GDA: variants seen among roughly 807,000 people sequenced by gnomAD.
The protein encoded by GDA is guanine deaminase, also known as cytoplasmic PSD-95 interactor.
In GDA, 18 loss-of-function variants were observed where a neutral mutation model predicts 59.6. The ratio of observed to expected loss-of-function variants is 0.30; its 90% CI spans 0.21 to 0.45. GDA has a LOEUF of 0.45. Among genes scored for constraint, GDA ranks in the 20% least tolerant of loss-of-function variants. GDA has a pLI of 1.00. For synonymous variants in GDA, 201 were observed against 201.1 expected (o/e 1.00, Z 0.00); for missense variants, 427 against 552.3 (o/e 0.77, Z 2.27).
chr9:72,129,500 C>T (rs1825954783), intron 1 of GDA, among the ~76,000 whole-genome samples: 1 of 152,328 alleles, frequency 6.6e-6, no homozygotes, highest in East Asian at 1.9e-4. Context: ...GGTGTTGAAT[C>T]ACACATAGGA....
At chr9:72,240,223 C>T (rs1294781694) in intron 10 of GDA, among the ~76,000 whole-genome samples, 1 of 152,170 alleles carries the variant, frequency 6.6e-6, no homozygotes, top group African/African-American at 2.4e-5. Context: ...TCATTTATTA[C>T]ACTAATTTCC....
intron 9 of GDA, among the ~76,000 whole-genome samples, chr9:72,229,905 ATAAT>A (rs1838121305): frequency 6.6e-6 from 1 of 152,220 alleles, no homozygotes; most frequent in Non-Finnish European, 1.5e-5. Context: ...CTTAGTGACT[ATAAT>A]TAGGGTCTAG....
At chr9:72,132,165 A>T (rs1826047948) in intron 1 of GDA, among the ~76,000 whole-genome samples, 1 of 152,164 alleles carries the variant, frequency 6.6e-6, no homozygotes, top group Non-Finnish European at 1.5e-5. Context: ...TCAAAATGAG[A>T]TTTGGGTGGG....
intron 3 of GDA, among the ~76,000 whole-genome samples, chr9:72,203,368 T>C (rs918185817): frequency 1.9e-4 from 29 of 152,308 alleles, no homozygotes; most frequent in African/African-American, 6.7e-4. Flanking sequence ...CCATATTGCA[T>C]GGCACGTGGT....
In GDA at chr9:72,248,673, AAAG is replaced by A. The variant is rs1158116109; in HGVS notation, c.*334_*336del. 2 of 1,041,156 alleles carry A rather than the reference AAAG, an allele frequency of 1.9e-6. No homozygotes were observed. Among genetic ancestry groups the A allele is most frequent in the Non-Finnish European group, 2.3e-6 (2 of 864,878 alleles). 64.5% of individuals were successfully genotyped at this position (1,041,156 alleles called of 1,614,324 possible). A position where few individuals can be genotyped will look rare whatever the true frequency, so the allele number is the denominator to read the frequency against. Reference sequence around the variant, plus strand: ...GCCTTTTTCATATTTGAAAATGTGGAAAGAAAAGATGTTCCTAAAAGGTTAGAT... The same window carrying A: ...GCCTTTTTCATATTTGAAAATGTGGAAAAAGATGTTCCTAAAAGGTTAGAT... On this transcript the variant is annotated 3_prime_UTR_variant, in exon 14 of 14. Coordinates refer to ENST00000358399, the MANE Select transcript of GDA (RefSeq NM_004293.5).
At chr9:72,235,085 T>A (rs1263593917) in intron 10 of GDA, among the ~76,000 whole-genome samples, 1 of 152,152 alleles carries the variant, frequency 6.6e-6, no homozygotes, top group Non-Finnish European at 1.5e-5. Context: ...CAATATGATG[T>A]CATGGAAAGC....
chr9:72,186,283 A>G (rs1192189037), intron 1 of GDA, among the ~76,000 whole-genome samples: 2 of 152,132 alleles, frequency 1.3e-5, no homozygotes, highest in South Asian at 2.1e-4. Context: ...CTGATCTTCT[A>G]TCAGTCTTTC....
intron 1 of GDA, among the ~76,000 whole-genome samples, chr9:72,172,122 C>T (rs1830039452): frequency 6.6e-6 from 1 of 152,022 alleles, no homozygotes; most frequent in South Asian, 2.1e-4. Flanking sequence ...ATAGTAAGTC[C>T]TTTTCTGTTC....
At chr9:72,213,647 C>A (rs1835682922) in intron 4 of GDA, among the ~76,000 whole-genome samples, 1 of 151,094 alleles carries the variant, frequency 6.6e-6, no homozygotes, top group South Asian at 2.1e-4. Flanking sequence ...ACTAAAAATA[C>A]AAAAAATTAG....
chr9:72,247,951 G>A (rs969517944), intron 13 of GDA, among the ~76,000 whole-genome samples: 2 of 152,178 alleles, frequency 1.3e-5, no homozygotes, highest in Non-Finnish European at 2.9e-5. Flanking sequence ...GGAGCGTAAA[G>A]AGTAGTATTT....
At chr9:72,122,532 C>T (rs1050348697) in intron 1 of GDA, among the ~76,000 whole-genome samples, 3 of 151,820 alleles carry the variant, frequency 2.0e-5, no homozygotes, top group Non-Finnish European at 4.4e-5. Context: ...GGAGAGTTAA[C>T]GTATGTAATG....
At chr9:72,217,723 T>C (rs1836314571) in intron 5 of GDA, among the ~76,000 whole-genome samples, 1 of 152,214 alleles carries the variant, frequency 6.6e-6, no homozygotes. Context: ...GGCCTGCTCA[T>C]TAAATTACTT....
chr9:72,193,101 A>G (rs1259034480), intron 1 of GDA, among the ~76,000 whole-genome samples: 2 of 152,028 alleles, frequency 1.3e-5, no homozygotes, highest in South Asian at 2.1e-4. Flanking sequence ...AAGATTACAT[A>G]TCTTTCTCTC....
intron 1 of GDA, among the ~76,000 whole-genome samples, chr9:72,139,907 C>T (rs76822430): frequency 0.12 from 18,607 of 152,110 alleles, 2,380 homozygotes; most frequent in African/African-American, 0.32. Flanking sequence ...TATATCTGTG[C>T]CTATCAGTTA....
chr9:72,205,786 G>A (rs1020113059), intron 3 of GDA, among the ~76,000 whole-genome samples: 1 of 152,162 alleles, frequency 6.6e-6, no homozygotes. Flanking sequence ...ACTCAAAGTT[G>A]AGAAGCATGC....
chr9:72,240,382 T>G (rs1839480074), intron 10 of GDA, among the ~76,000 whole-genome samples: 1 of 152,222 alleles, frequency 6.6e-6, no homozygotes, highest in Non-Finnish European at 1.5e-5. Context: ...CCACATATTA[T>G]CTAAATTATC....
intron 1 of GDA, among the ~76,000 whole-genome samples, chr9:72,189,559 G>C (rs1013172440): frequency 6.6e-6 from 1 of 152,084 alleles, no homozygotes; most frequent in African/African-American, 2.4e-5. Context: ...ATCTATTTTA[G>C]GCCAAATACA....
chr9:72,147,467 G>A (rs1826692516), upstream of GDA, among the ~76,000 whole-genome samples: 1 of 152,226 alleles, frequency 6.6e-6, no homozygotes, highest in Non-Finnish European at 1.5e-5. Flanking sequence ...GCCTCCCAAA[G>A]TGTTGGGATT....
intron 10 of GDA, among the ~76,000 whole-genome samples, chr9:72,233,272 A>T (rs566464497): frequency 1.8e-4 from 28 of 152,342 alleles, no homozygotes; most frequent in African/African-American, 6.7e-4. Flanking sequence ...CCCACATGAA[A>T]TTTAACAGAA....
Sources: gnomAD v4.1 joint callset for allele counts (sites outside exome capture counted in the v4.1 genomes callset) on GRCh38, gnomAD v4.1.1 for gene constraint, MANE v1.5 for transcripts, NCBI Gene and HGNC (gene_info 2026-07-23, HGNC 2026-07-21) for gene names.